Variants in CRACD observed in about 807,000 individuals in gnomAD.
CRACD encodes the protein capping protein-inhibiting regulator of actin dynamics.
A neutral mutation model predicts 106.8 loss-of-function variants in CRACD; 56 were observed. The observed-to-expected ratio is 0.52, with a 90% CI of 0.42 to 0.66. The LOEUF (loss-of-function observed/expected upper bound fraction) is 0.66, where lower values mean the gene tolerates loss of function less well. CRACD is among the 30% of genes least tolerant of loss of function. The pLI is 0.00. For synonymous variants in CRACD, 754 were observed against 670.8 expected (o/e 1.12, Z -1.92); for missense variants, 1,730 against 1,623.2 (o/e 1.07, Z -1.13).
At chr4:56,209,389 A>G (rs929440249) in intron 2 of CRACD, among the ~76,000 whole-genome samples, 3 of 152,108 alleles carry the variant, frequency 2.0e-5, no homozygotes, top group Admixed American at 6.5e-5. Context: ...CATACATTTT[A>G]TGCCTTTATA....
rs367898733 is a variant in CRACD, at chr4:56,098,491, A to G, written c.-336+49192A>G. Among the ~76,000 whole-genome samples, 72 of 152,196 alleles carry G rather than the reference A, an allele frequency of 4.7e-4. 2 individuals carry two copies. In the South Asian group the frequency reaches 9.7e-3, roughly 21 times the overall value. On this transcript the variant is annotated intron_variant, in intron 1 of 10. Coordinates refer to ENST00000682029, the MANE Select transcript of CRACD (RefSeq NM_001393381.1). ...AAAGTGTGATAACTTTAAAAAAGCA[A>G]ATTAATTACTGAAGGTTTTTCTGAT...
chr4:56,097,681 A>G (rs1223133938), intron 1 of CRACD, among the ~76,000 whole-genome samples: 1 of 152,176 alleles, frequency 6.6e-6, no homozygotes, highest in African/African-American at 2.4e-5. Flanking sequence ...TAAGCTGGCT[A>G]AGAAATTTGA....
chr4:56,315,637 C>T lies in CRACD; in HGVS notation c.2135C>T (p.Thr712Ile), dbSNP rs1364376850. The change falls in exon 8 of 11, where the codon ACT (threonine) becomes ATT (isoleucine). Residue 712 changes from threonine (T) to isoleucine (I), a missense_variant. Thr to Ile is a moderately conservative substitution (Grantham distance 89). Around this residue, in one of 5 missense-constraint regions of CRACD, gnomAD observed 1,620 missense variants for 1,481.6 expected, o/e 1.09. Coordinates refer to ENST00000682029, the MANE Select transcript of CRACD (RefSeq NM_001393381.1). The surrounding 1 kb of genome is among the most constrained non-coding windows in gnomAD (Gnocchi z 4.1). The stretch of plus-strand genomic sequence containing the variant: ...GATTCCCGCGGGAACCAACGGAAGA[C>T]TCCGCCAGTCAATGCAAAGTTCTCT... Reference protein sequence around the residue: ...RCDSRGNQRKTPPVNAKFSIM... With the variant: ...RCDSRGNQRKIPPVNAKFSIM... The T allele has an allele frequency of 2.5e-6, 4 of 1,614,214 alleles. No homozygotes were observed. The Admixed American group carries it at 6.7e-5, about 27-fold the overall frequency.
intron 7 of CRACD, 23 bp downstream of exon 7, chr4:56,313,402 G>C: frequency 6.3e-7 from 1 of 1,597,404 alleles, no homozygotes; most frequent in Non-Finnish European, 8.5e-7. Flanking sequence ...TGCACGGGCT[G>C]ACCAGGCAGG....
At chr4:56,146,709 A>G (rs553828826) in intron 1 of CRACD, among the ~76,000 whole-genome samples, 1 of 152,238 alleles carries the variant, frequency 6.6e-6, no homozygotes, top group South Asian at 2.1e-4. Context: ...TTATAACAGC[A>G]TTATTGAGAT....
At chr4:56,169,400 C>T (rs1409039008) in intron 1 of CRACD, among the ~76,000 whole-genome samples, 1 of 152,176 alleles carries the variant, frequency 6.6e-6, no homozygotes, top group Non-Finnish European at 1.5e-5. Context: ...AAAGGAAAGG[C>T]TCCTTGGTGG....
At chr4:56,292,511 G>C (rs966375024) in intron 3 of CRACD, among the ~76,000 whole-genome samples, 1 of 152,006 alleles carries the variant, frequency 6.6e-6, no homozygotes, top group African/African-American at 2.4e-5. Context: ...TCTGGAAGGA[G>C]AGAACCCAGC....
chr4:56,143,567 C>T lies in CRACD; in HGVS notation c.-335-35717C>T, dbSNP rs1001612913. On this transcript the variant is annotated intron_variant, in intron 1 of 10. Coordinates refer to ENST00000682029, the MANE Select transcript of CRACD (RefSeq NM_001393381.1). ...TGATGATTATGATGAATTTTGAGGT[C>T]GTGAAATGTTCATGATCATTTATCA... is the stretch of plus-strand genomic sequence containing the variant. 6.6e-5 allele frequency among the ~76,000 whole-genome samples: 10 copies of T among 151,914 alleles called. No individual in the cohort carries two copies. In the East Asian group the frequency reaches 9.6e-4, roughly 15 times the overall value.
rs748763912 is a variant in CRACD at position 56,315,816 on chromosome 4, G to C, written c.2314G>C (p.Gly772Arg). Residue 772 changes from glycine to arginine, a missense_variant, in exon 8 of 11, where the codon GGT becomes CGT. Transcript: ENST00000682029. This position sits in a 1 kb window ranked among gnomAD's most constrained non-coding sequence, Gnocchi z 4.1. ...PPAGVRELGK[G>R]PEKSEMHREP... The stretch of plus-strand genomic sequence containing the variant: ...TGCTGGTGTTCGCGAGCTCGGGAAG[G>C]GTCCGGAGAAGTCGGAGATGCACCG... The C allele has an allele frequency of 5.0e-6, 8 of 1,614,170 alleles. No individual in the cohort carries two copies. In the African/African-American group the frequency reaches 5.3e-5, roughly 11 times the overall value.
chr4:56,172,896 C>T (rs1017472372), intron 1 of CRACD, among the ~76,000 whole-genome samples: 4 of 152,160 alleles, frequency 2.6e-5, no homozygotes, highest in African/African-American at 7.2e-5. Context: ...TGCTGGATTA[C>T]GGGCATGAGC....
chr4:56,224,653 G>T (rs148178576), intron 2 of CRACD, among the ~76,000 whole-genome samples: 2,584 of 152,266 alleles, frequency 0.017, 69 homozygotes, highest in African/African-American at 0.058. Context: ...TACACATGGC[G>T]GGTGGGAATG....
chr4:56,275,347 C>T (rs1275481970), intron 3 of CRACD, among the ~76,000 whole-genome samples: 3 of 151,986 alleles, frequency 2.0e-5, no homozygotes, highest in Non-Finnish European at 4.4e-5. Flanking sequence ...CCCTGCTGCT[C>T]GGGAGGCTGA....
chr4:56,276,632 A>T (rs1742690038), intron 3 of CRACD, among the ~76,000 whole-genome samples: 2 of 152,204 alleles, frequency 1.3e-5, no homozygotes, highest in African/African-American at 4.8e-5. Flanking sequence ...ATAGCTTATA[A>T]ATCCCTGAGC....
intron 1 of CRACD, among the ~76,000 whole-genome samples, chr4:56,155,644 C>G (rs1006272041): frequency 6.6e-6 from 1 of 152,186 alleles, no homozygotes; most frequent in African/African-American, 2.4e-5. Context: ...AGATTTCAAA[C>G]CTACGCTGTC....
intron 2 of CRACD, among the ~76,000 whole-genome samples, chr4:56,248,948 C>A: frequency 7.3e-6 from 1 of 137,596 alleles, no homozygotes; most frequent in Non-Finnish European, 1.6e-5. Context: ...TGTATATGTG[C>A]CACATTTTCT....
intron 1 of CRACD, among the ~76,000 whole-genome samples, chr4:56,167,765 C>T (rs1011531602): frequency 2.6e-5 from 4 of 152,136 alleles, no homozygotes; most frequent in Non-Finnish European, 4.4e-5. Context: ...TATTCACCAA[C>T]AGATGAATGG....
At chr4:56,271,889 C>T (rs534564231) in intron 2 of CRACD, among the ~76,000 whole-genome samples, 29 of 152,222 alleles carry the variant, frequency 1.9e-4, no homozygotes, top group Non-Finnish European at 3.4e-4. Context: ...AGACTAAAGG[C>T]GTGCACCACC....
intron 1 of CRACD, among the ~76,000 whole-genome samples, chr4:56,052,157 A>G (rs1192867130): frequency 2.0e-5 from 3 of 152,118 alleles, no homozygotes; most frequent in African/African-American, 7.2e-5. Context: ...CCAAAATACT[A>G]GGATTACAGG....
Position 56,202,626 on chromosome 4 carries a change from G to A in CRACD, c.-189+23196G>A, listed in dbSNP as rs536309145. The stretch of plus-strand genomic sequence containing the variant: ...GCTAACAAAGTATTGTCAAGTAGAA[G>A]TCTTTGAGGAACAAACTTTAATGAA... On this transcript the variant is annotated intron_variant, in intron 2 of 10. Transcript: ENST00000682029. Among the ~76,000 whole-genome samples, 3 of 152,230 alleles carry A rather than the reference G, an allele frequency of 2.0e-5. No homozygotes were observed. The South Asian group carries it at 6.2e-4, about 32-fold the overall frequency.
Sources: gnomAD v4.1 joint callset for allele counts (sites outside exome capture counted in the v4.1 genomes callset) on GRCh38, gnomAD v4.1.1 for gene constraint, gnomAD v4.1.1 regional missense constraint, Gnocchi (gnomAD v3.1) non-coding constraint, MANE v1.5 for transcripts, NCBI Gene and HGNC (gene_info 2026-07-23, HGNC 2026-07-21) for gene names.